The following TMEM132C variants were observed in gnomAD, a reference collection of about 807,000 sequenced individuals.
TMEM132C encodes transmembrane protein 132C.
Under a neutral mutation model 61.4 loss-of-function variants are expected in TMEM132C, and 29 were observed. The ratio of observed to expected loss-of-function variants is 0.47; its 90% confidence interval spans 0.35 to 0.64. The LOEUF (loss-of-function observed/expected upper bound fraction) is 0.64. Ranked by LOEUF, TMEM132C falls within the 30% of genes least tolerant of loss-of-function variation. The pLI is 0.00. For synonymous variants in TMEM132C, 656 were observed against 633.1 expected (o/e 1.04, Z -0.54); for missense variants, 1,408 against 1,476.9 (o/e 0.95, Z 0.76).
intron 1 of TMEM132C, among the ~76,000 whole-genome samples, chr12:128,373,611 T>TG (rs948415997): frequency 6.6e-6 from 1 of 152,060 alleles, no homozygotes; most frequent in Non-Finnish European, 1.5e-5. Context: ...CAGTGGACCG[T>TG]GGGGCACAGA....
chr12:128,363,248 A>T (rs1873761416), intron 1 of TMEM132C, among the ~76,000 whole-genome samples: 2 of 152,254 alleles, frequency 1.3e-5, no homozygotes, highest in South Asian at 4.1e-4. Flanking sequence ...ATCAAATGCA[A>T]TTATTTTCAT....
At chr12:128,468,802 A>G (rs896393569) in intron 2 of TMEM132C, among the ~76,000 whole-genome samples, 25 of 152,230 alleles carry the variant, frequency 1.6e-4, no homozygotes, top group African/African-American at 6.0e-4. Context: ...TGTATTAGAA[A>G]AAAAGAAAAC....
chr12:128,614,086 A>G (rs989182929), intron 3 of TMEM132C, among the ~76,000 whole-genome samples: 1 of 152,056 alleles, frequency 6.6e-6, no homozygotes, highest in African/African-American at 2.4e-5. Context: ...GCTCACCAGA[A>G]CCCTGGCCCC....
At chr12:128,432,613 C>T (rs1869429669) in intron 2 of TMEM132C, among the ~76,000 whole-genome samples, 1 of 152,106 alleles carries the variant, frequency 6.6e-6, no homozygotes, top group African/African-American at 2.4e-5. Context: ...GCTGCAATCT[C>T]ATGATAAAAT....
intron 4 of TMEM132C, among the ~76,000 whole-genome samples, chr12:128,628,254 G>GCCTC (rs1229008501): frequency 7.2e-5 from 11 of 152,052 alleles, no homozygotes; most frequent in African/African-American, 2.7e-4. Context: ...CCCTGCTCTT[G>GCCTC]CCTCCCTGAA....
At chr12:128,347,224 A>G (rs1391556779) in intron 1 of TMEM132C, among the ~76,000 whole-genome samples, 1 of 151,900 alleles carries the variant, frequency 6.6e-6, no homozygotes, top group African/African-American at 2.4e-5. Flanking sequence ...ATGGACTCCA[A>G]CTCCATCCAA....
chr12:128,536,067 T>C (rs1394097664), intron 2 of TMEM132C, among the ~76,000 whole-genome samples: 1 of 152,190 alleles, frequency 6.6e-6, no homozygotes, highest in Non-Finnish European at 1.5e-5. Flanking sequence ...TTATAAATCA[T>C]GCTACTATAA....
intron 3 of TMEM132C, among the ~76,000 whole-genome samples, chr12:128,576,620 T>C (rs1243079746): frequency 6.6e-6 from 1 of 152,258 alleles, no homozygotes; most frequent in East Asian, 1.9e-4. Context: ...TGGCACTTGG[T>C]ATGCATCTCT....
intron 1 of TMEM132C, among the ~76,000 whole-genome samples, chr12:128,388,280 G>T (rs1874650421): frequency 1.3e-5 from 2 of 152,246 alleles, no homozygotes; most frequent in South Asian, 4.1e-4. Context: ...AGACCCAAGG[G>T]ACGGCCCCTC....
At chr12:128,593,097 C>G (rs1875814442) in intron 3 of TMEM132C, among the ~76,000 whole-genome samples, 1 of 151,780 alleles carries the variant, frequency 6.6e-6, no homozygotes, top group African/African-American at 2.4e-5. Context: ...TCTTACCTCT[C>G]TTTCTTCTCT....
intron 4 of TMEM132C, among the ~76,000 whole-genome samples, chr12:128,644,334 A>C (rs952552552): frequency 4.6e-5 from 7 of 152,258 alleles, no homozygotes; most frequent in Non-Finnish European, 8.8e-5. Context: ...ACCCAAAATC[A>C]ATCCATGTGT....
At chr12:128,701,645 G>A (rs10773568) in intron 8 of TMEM132C, among the ~76,000 whole-genome samples, 62,988 of 152,008 alleles carry the variant, frequency 0.41, 14,056 homozygotes, top group Non-Finnish European at 0.5. Flanking sequence ...AACAAGCGTT[G>A]GACATTCTCA....
At chr12:128,515,156 G>A (rs1043907800) in intron 2 of TMEM132C, among the ~76,000 whole-genome samples, 5 of 152,156 alleles carry the variant, frequency 3.3e-5, no homozygotes, top group Admixed American at 6.5e-5. Context: ...CATGAATCAC[G>A]TTCTCCCCTA....
At chr12:128,299,465 T>C (rs1462793431) in intron 1 of TMEM132C, among the ~76,000 whole-genome samples, 2 of 152,164 alleles carry the variant, frequency 1.3e-5, no homozygotes, top group Non-Finnish European at 2.9e-5. Context: ...GCATGGCTAC[T>C]GAGATGCTCT....
intron 3 of TMEM132C, among the ~76,000 whole-genome samples, chr12:128,586,003 A>G (rs4882791): frequency 0.44 from 66,370 of 152,086 alleles, 14,936 homozygotes; most frequent in Non-Finnish European, 0.49. Context: ...AATGTGCTTC[A>G]TGCTGAGGAC....
At position 128,353,179 on chromosome 12, in the gene TMEM132C, A is replaced by C. The variant is rs186902057; in HGVS notation, c.86-61553A>C. Among the ~76,000 whole-genome samples, 23 of 152,340 alleles carry C rather than the reference A, an allele frequency of 1.5e-4. No homozygotes were observed. The East Asian group carries it at 3.5e-3, about 23-fold the overall frequency. ...GAGACCAGGAGGAAATAATTCAAAC[A>C]CTGCTAATCATCCATGTTTATCAAC... is the stretch of plus-strand genomic sequence containing the variant. On this transcript the variant is annotated intron_variant, in intron 1 of 8. Coordinates refer to ENST00000435159, the MANE Select transcript of TMEM132C (RefSeq NM_001136103.3).
intron 2 of TMEM132C, among the ~76,000 whole-genome samples, chr12:128,420,304 A>C (rs972107695): frequency 6.6e-6 from 1 of 152,216 alleles, no homozygotes; most frequent in Non-Finnish European, 1.5e-5. Context: ...AATACAATTT[A>C]AGGTGACAGT....
chr12:128,437,183 AAT>A (rs892380274), intron 2 of TMEM132C, among the ~76,000 whole-genome samples: 1 of 152,198 alleles, frequency 6.6e-6, no homozygotes, highest in African/African-American at 2.4e-5. Context: ...TATTAGGAGA[AAT>A]ACCTAATGTA....
chr12:128,519,363 C>T (rs953874559), intron 2 of TMEM132C, among the ~76,000 whole-genome samples: 1 of 152,222 alleles, frequency 6.6e-6, no homozygotes, highest in Non-Finnish European at 1.5e-5. Context: ...TAAACTAGGA[C>T]TGTCCTGAAT....
Sources: gnomAD v4.1 joint callset for allele counts (sites outside exome capture counted in the v4.1 genomes callset) on GRCh38, gnomAD v4.1.1 for gene constraint, MANE v1.5 for transcripts, NCBI Gene and HGNC (gene_info 2026-07-23, HGNC 2026-07-21) for gene names.